Variants in FHIT observed in about 807,000 individuals in gnomAD.
FHIT encodes the protein fragile histidine triad diadenosine triphosphatase, also known as bis(5'-adenosyl)-triphosphatase.
A neutral mutation model predicts 17.9 loss-of-function variants in FHIT; 19 were observed. That is an observed-to-expected ratio of 1.06 (90% confidence interval 0.74 to 1.56). FHIT has a LOEUF of 1.56. Among genes scored for constraint, FHIT ranks in the 40% most tolerant of loss-of-function variants. FHIT has a pLI of 0.00. For synonymous variants in FHIT, 81 were observed against 69.7 expected (o/e 1.16, Z -0.81); for missense variants, 248 against 189.2 (o/e 1.31, Z -1.82).
At chr3:60,401,321 A>G (rs1701648547) in intron 5 of FHIT, among the ~76,000 whole-genome samples, 1 of 152,158 alleles carries the variant, frequency 6.6e-6, no homozygotes, top group Admixed American at 6.5e-5. Context: ...CACCAGATGC[A>G]TTCTCTTTCC....
At chr3:59,791,318 C>A (rs1699547406) in intron 8 of FHIT, among the ~76,000 whole-genome samples, 2 of 152,072 alleles carry the variant, frequency 1.3e-5, no homozygotes, top group African/African-American at 2.4e-5. Context: ...ATTACTGAAG[C>A]AGCGGGGGTG....
At chr3:60,326,377 A>C (rs1709694674) in intron 5 of FHIT, among the ~76,000 whole-genome samples, 1 of 152,034 alleles carries the variant, frequency 6.6e-6, no homozygotes, top group Non-Finnish European at 1.5e-5. Flanking sequence ...TCTCATAAGG[A>C]GCGGGCAACC....
chr3:61,211,662 C>T (rs2039479190), intron 1 of FHIT, among the ~76,000 whole-genome samples: 1 of 152,248 alleles, frequency 6.6e-6, no homozygotes, highest in Non-Finnish European at 1.5e-5. Flanking sequence ...GTGGTTCTCC[C>T]AGCACGCAGC....
At chr3:60,637,524 G>T (rs781903244) in intron 4 of FHIT, among the ~76,000 whole-genome samples, 1 of 152,042 alleles carries the variant, frequency 6.6e-6, no homozygotes, top group African/African-American at 2.4e-5. Flanking sequence ...TTGAAAAAAT[G>T]AACTGCTACC....
chr3:60,904,676 C>T (rs1424526432), intron 3 of FHIT, among the ~76,000 whole-genome samples: 1 of 152,064 alleles, frequency 6.6e-6, no homozygotes, highest in African/African-American at 2.4e-5. Flanking sequence ...CGCAGTGGCT[C>T]ACGCCTGTAC....
intron 2 of FHIT, among the ~76,000 whole-genome samples, chr3:61,140,022 CAAAA>C (rs112352685): frequency 9.1e-6 from 1 of 110,048 alleles, no homozygotes; most frequent in Non-Finnish European, 2.0e-5. Context: ...CAAGAGAAAG[CAAAA>C]AAAAAAAAAA....
chr3:59,754,692 C>T (rs546933476), intron 8 of FHIT, among the ~76,000 whole-genome samples: 200 of 152,254 alleles, frequency 1.3e-3, no homozygotes, highest in Middle Eastern at 0.01. Flanking sequence ...GGTTATTAGG[C>T]AACCGTCTGT....
At chr3:60,616,214 C>T (rs1433382498) in intron 4 of FHIT, among the ~76,000 whole-genome samples, 2 of 152,138 alleles carry the variant, frequency 1.3e-5, no homozygotes, top group Non-Finnish European at 2.9e-5. Flanking sequence ...TACACAACAC[C>T]TGTTACAAAA....
At chr3:59,999,458 T>C (rs901746763) in intron 7 of FHIT, among the ~76,000 whole-genome samples, 1 of 152,162 alleles carries the variant, frequency 6.6e-6, no homozygotes, top group East Asian at 1.9e-4. Context: ...GTGATGAGTA[T>C]TGCAGATATG....
intron 2 of FHIT, among the ~76,000 whole-genome samples, chr3:61,157,746 A>C (rs546601679): frequency 5.6e-4 from 86 of 152,314 alleles, no homozygotes; most frequent in Non-Finnish European, 1.0e-3. Flanking sequence ...TCACATATGT[A>C]CCAGGAAATG....
At chr3:61,205,529 T>C (rs939634547) in intron 1 of FHIT, among the ~76,000 whole-genome samples, 3 of 152,194 alleles carry the variant, frequency 2.0e-5, no homozygotes, top group African/African-American at 7.2e-5. Flanking sequence ...TGGTGTGAGA[T>C]GGTATCTCAT....
chr3:60,746,126 A>C (rs555664695), intron 4 of FHIT, among the ~76,000 whole-genome samples: 1 of 152,318 alleles, frequency 6.6e-6, no homozygotes, highest in Non-Finnish European at 1.5e-5. Context: ...TGGGTCAATC[A>C]ACTGTTCCAC....
chr3:60,645,946 A>T (rs1467677364), intron 4 of FHIT, among the ~76,000 whole-genome samples: 1 of 152,194 alleles, frequency 6.6e-6, no homozygotes, highest in Admixed American at 6.5e-5. Context: ...ACCTACTTGA[A>T]ATATGTGGAC....
At chr3:60,872,917 T>C (rs1004766835) in intron 3 of FHIT, among the ~76,000 whole-genome samples, 2 of 152,110 alleles carry the variant, frequency 1.3e-5, no homozygotes, top group Middle Eastern at 3.2e-3. Flanking sequence ...TAGACAAAGA[T>C]GCTTAAATTG....
intron 5 of FHIT, among the ~76,000 whole-genome samples, chr3:60,148,675 C>G (rs371375457): frequency 1.7e-4 from 26 of 152,038 alleles, no homozygotes; most frequent in African/African-American, 6.0e-4. Flanking sequence ...TGCCAGTGTT[C>G]CCAATAAGGA....
intron 4 of FHIT, among the ~76,000 whole-genome samples, chr3:60,783,892 A>G (rs1461529226): frequency 6.6e-6 from 1 of 152,202 alleles, no homozygotes; most frequent in Non-Finnish European, 1.5e-5. Context: ...CGGATATTTA[A>G]TCATAGTCAA....
rs943075701 is a variant in FHIT, at chr3:59,748,108, A to G, written c.*1477T>C. Reference sequence around the variant, plus strand: ...CTCCTAGTTGCTAAGGCAAGCAACTATGCAGAGCTGGAAATCATCAGCATT... The same window carrying G: ...CTCCTAGTTGCTAAGGCAAGCAACTGTGCAGAGCTGGAAATCATCAGCATT... On this transcript the variant is annotated 3_prime_UTR_variant, in exon 10 of 10. Coordinates refer to ENST00000492590, the MANE Select transcript of FHIT (RefSeq NM_002012.4). 1.2e-4 allele frequency among the ~76,000 whole-genome samples: 19 copies of G among 152,202 alleles called. No individual in the cohort carries two copies. The highest frequency in any genetic ancestry group is 1.9e-4 in the East Asian group (1 of 5,196).
At chr3:60,968,369 A>C (rs1184984490) in intron 3 of FHIT, among the ~76,000 whole-genome samples, 3 of 152,200 alleles carry the variant, frequency 2.0e-5, no homozygotes, top group Non-Finnish European at 4.4e-5. Flanking sequence ...TTATGATCTC[A>C]ACAAGAAAAT....
At chr3:60,750,936 T>A (rs1318836229) in intron 4 of FHIT, among the ~76,000 whole-genome samples, 1 of 152,164 alleles carries the variant, frequency 6.6e-6, no homozygotes, top group Non-Finnish European at 1.5e-5. Context: ...TAAAGCCTTC[T>A]TCCCACATCC....
Sources: gnomAD v4.1 joint callset for allele counts (sites outside exome capture counted in the v4.1 genomes callset) on GRCh38, gnomAD v4.1.1 for gene constraint, MANE v1.5 for transcripts, NCBI Gene and HGNC (gene_info 2026-07-23, HGNC 2026-07-21) for gene names.